Variants in WDPCP observed in about 807,000 individuals in gnomAD.
The protein encoded by WDPCP is WD repeat-containing and planar cell polarity effector protein fritz homolog.
WDPCP carries 71 observed loss-of-function variants against 93.1 expected under a neutral mutation model. That is an observed-to-expected ratio of 0.76 (90% CI 0.63 to 0.93). WDPCP has a LOEUF of 0.93. Ranked by LOEUF, WDPCP falls within the 40% of genes least tolerant of loss-of-function variation. The probability of loss-of-function intolerance (pLI) is 0.00; values close to 1 mark genes in which losing one functional copy is unlikely to be tolerated. For missense variants in WDPCP, 844 were observed against 887.4 expected, an observed-to-expected ratio of 0.95 and a Z score of 0.62; for synonymous variants, 315 against 315.0, an observed-to-expected ratio of 1.00 and a Z score of 0.00.
intron 2 of WDPCP, among the ~76,000 whole-genome samples, chr2:63,672,452 A>G (rs1710358521): frequency 6.6e-6 from 1 of 152,174 alleles, no homozygotes; most frequent in Non-Finnish European, 1.5e-5. Flanking sequence ...TGCATAGAAA[A>G]CATGCAAACT....
At chr2:63,157,712 G>A (rs1007410201) in intron 15 of WDPCP, among the ~76,000 whole-genome samples, 6 of 151,840 alleles carry the variant, frequency 4.0e-5, no homozygotes, top group Admixed American at 2.6e-4. Context: ...ACTTAATGTC[G>A]GTAAAGTTTA....
chr2:63,530,482 T>A (rs563038391), intron 1 of WDPCP, among the ~76,000 whole-genome samples: 1 of 151,962 alleles, frequency 6.6e-6, no homozygotes, highest in African/African-American at 2.4e-5. Context: ...CTTGGGTTTC[T>A]TAAGCTTGGA....
intron 2 of WDPCP, among the ~76,000 whole-genome samples, chr2:63,488,068 T>C (rs1700670257): frequency 6.6e-6 from 1 of 152,118 alleles, no homozygotes; most frequent in Non-Finnish European, 1.5e-5. Flanking sequence ...TTGCTGGGGC[T>C]ACCTAAGAAG....
intron 9 of WDPCP, among the ~76,000 whole-genome samples, chr2:63,414,276 T>C (rs143089397): frequency 1.3e-5 from 2 of 152,244 alleles, no homozygotes; most frequent in Non-Finnish European, 2.9e-5. Context: ...TGGAGATTCC[T>C]TAAAGAACTA....
At chr2:63,666,999 T>A (rs2604614) in intron 2 of WDPCP, among the ~76,000 whole-genome samples, 2 of 152,022 alleles carry the variant, frequency 1.3e-5, no homozygotes, top group Admixed American at 1.3e-4. Flanking sequence ...TGAGATACTT[T>A]GCTAAATGGA....
intron 2 of WDPCP, among the ~76,000 whole-genome samples, chr2:63,811,594 A>C (rs1443141521): frequency 2.1e-5 from 3 of 145,348 alleles, no homozygotes; most frequent in Non-Finnish European, 4.5e-5. Context: ...CCCTGTCCAC[A>C]CTTTTTTTTT....
intron 1 of WDPCP, chr2:63,518,828 G>A (rs1360662856): frequency 6.6e-6 from 1 of 152,220 alleles, no homozygotes; most frequent in Admixed American, 6.5e-5. Context: ...CTCTTGCAGG[G>A]GCAAACTGGA....
At chr2:63,171,763 A>T (rs1673404179) in intron 15 of WDPCP, among the ~76,000 whole-genome samples, 1 of 152,230 alleles carries the variant, frequency 6.6e-6, no homozygotes, top group Non-Finnish European at 1.5e-5. Context: ...CATTATTCAT[A>T]ATAGCCCCAA....
chr2:63,145,214 C>G (rs956243481), intron 17 of WDPCP, among the ~76,000 whole-genome samples: 2 of 152,076 alleles, frequency 1.3e-5, no homozygotes, highest in Non-Finnish European at 2.9e-5. Context: ...GTTTAATGCT[C>G]TATTTTTGGG....
chr2:63,214,363 G>A (rs1027711176), intron 14 of WDPCP, among the ~76,000 whole-genome samples: 1 of 152,032 alleles, frequency 6.6e-6, no homozygotes, highest in Non-Finnish European at 1.5e-5. Context: ...CAGAACCAAA[G>A]ACAAAAACCA....
the WDPCP span, among the ~76,000 whole-genome samples, chr2:63,839,765 G>A: frequency 6.6e-6 from 1 of 152,172 alleles, no homozygotes; most frequent in Non-Finnish European, 1.5e-5. Context: ...AAGATCTTCA[G>A]TCTCCAAATG....
chr2:63,142,523 T>A (rs968954192), intron 17 of WDPCP, among the ~76,000 whole-genome samples: 7 of 152,214 alleles, frequency 4.6e-5, no homozygotes, highest in Admixed American at 1.3e-4. Flanking sequence ...TTCAATTTTT[T>A]AAAATTTATT....
At chr2:63,657,212 T>TTTG (rs1394690404) in intron 2 of WDPCP, among the ~76,000 whole-genome samples, 3 of 146,564 alleles carry the variant, frequency 2.0e-5, no homozygotes, top group African/African-American at 7.6e-5. Context: ...GATGTTTTTT[T>TTTG]TTTTTTTTTT....
chr2:63,785,212 G>A (rs1434970523), intron 2 of WDPCP, among the ~76,000 whole-genome samples: 1 of 152,178 alleles, frequency 6.6e-6, no homozygotes, highest in African/African-American at 2.4e-5. Context: ...CATAGGCAGA[G>A]AGGAGAGAAA....
At chr2:63,787,727 T>C (rs1036713406) in intron 2 of WDPCP, among the ~76,000 whole-genome samples, 8 of 152,186 alleles carry the variant, frequency 5.3e-5, no homozygotes, top group African/African-American at 1.9e-4. Context: ...ACCAAAATAC[T>C]ACATTAATTT....
chr2:63,688,397 A>G (rs561573384), intron 2 of WDPCP, among the ~76,000 whole-genome samples: 1 of 152,086 alleles, frequency 6.6e-6, no homozygotes, highest in East Asian at 1.9e-4. Flanking sequence ...ACTGTAGTCC[A>G]GCCTGAGTGA....
chr2:63,701,806 C>A (rs1669053068), intron 2 of WDPCP, among the ~76,000 whole-genome samples: 1 of 152,046 alleles, frequency 6.6e-6, no homozygotes, highest in Non-Finnish European at 1.5e-5. Context: ...AAGTGACTAT[C>A]ATGAAATAGA....
At chr2:63,353,439 A>T (rs1409416531) in intron 12 of WDPCP, among the ~76,000 whole-genome samples, 1 of 152,138 alleles carries the variant, frequency 6.6e-6, no homozygotes, top group Non-Finnish European at 1.5e-5. Flanking sequence ...TTGGAATTCC[A>T]GCCAGCCCCT....
intron 12 of WDPCP, among the ~76,000 whole-genome samples, chr2:63,330,133 GTTTTGT>G (rs1163283071): frequency 6.6e-6 from 1 of 152,108 alleles, no homozygotes; most frequent in Non-Finnish European, 1.5e-5. Flanking sequence ...CCATATGATA[GTTTTGT>G]TTTTAATATT....
Sources: gnomAD v4.1 joint callset for allele counts (sites outside exome capture counted in the v4.1 genomes callset) on GRCh38, gnomAD v4.1.1 for gene constraint, MANE v1.5 for transcripts, NCBI Gene and HGNC (gene_info 2026-07-23, HGNC 2026-07-21) for gene names.